ANO3: variants seen among roughly 807,000 people sequenced by gnomAD.
ANO3 encodes the protein anoctamin-3.
Under a neutral mutation model 144.8 loss-of-function variants are expected in ANO3, and 99 were observed. The observed-to-expected ratio is 0.68, with a 90% CI of 0.58 to 0.81. The LOEUF (loss-of-function observed/expected upper bound fraction) is 0.81, where lower values mean the gene tolerates loss of function less well. Ranked by LOEUF, ANO3 falls within the 30% of genes least tolerant of loss-of-function variation. The pLI is 0.00. For synonymous variants in ANO3, 414 were observed against 392.6 expected, an observed-to-expected ratio of 1.05 and a Z score of -0.64; for missense variants, 905 against 1,202.2, an observed-to-expected ratio of 0.75 and a Z score of 3.66.
intron 23 of ANO3, 144 bp downstream of exon 23, chr11:26,643,478 G>C (rs561860848): frequency 9.8e-7 from 1 of 1,022,000 alleles, no homozygotes. Context: ...TAAGCTGGCC[G>C]GGCGTGGTGG....
At position 26,225,112 on chromosome 11, in the gene ANO3, T is replaced by C. The variant is rs559035758; in HGVS notation, c.154+35782T>C. The stretch of plus-strand genomic sequence containing the variant: ...TCTTAAATCTGCATAATCTTTTGTG[T>C]ATTGTAGGCACTGAACTAAAATAAT... On this transcript the variant is annotated intron_variant, in intron 1 of 27. Coordinates refer to the ANO3 transcript ENST00000672621. Among the ~76,000 whole-genome samples, 42 of 152,270 alleles carry C rather than the reference T, an allele frequency of 2.8e-4. 1 individual carries two copies. The highest frequency in any genetic ancestry group is 6.2e-4 in the South Asian group (3 of 4,826).
At chr11:26,316,762 G>A (rs570730207) in intron 1 of ANO3, among the ~76,000 whole-genome samples, 16 of 152,228 alleles carry the variant, frequency 1.1e-4, no homozygotes, top group African/African-American at 3.9e-4. Flanking sequence ...CCAGAGCTAT[G>A]AACATCTGCT....
At chr11:26,462,887 T>C (rs534471293) in intron 3 of ANO3, 143 bp from the exon 4 acceptor site, 353 of 419,000 alleles carry the variant, frequency 8.4e-4, no homozygotes, top group Non-Finnish European at 1.3e-3. Flanking sequence ...TATTTGAAAA[T>C]TATGCCACAC....
chr11:26,289,196 A>C (rs1334039098), intron 1 of ANO3, among the ~76,000 whole-genome samples: 1 of 152,098 alleles, frequency 6.6e-6, no homozygotes, highest in Non-Finnish European at 1.5e-5. Flanking sequence ...CAGGCAAAAA[A>C]AAAGTAGCAG....
At chr11:26,563,391 CTCTCTGTGTG>C in intron 14 of ANO3, 5 of 840,864 alleles carry the variant, frequency 5.9e-6, no homozygotes, top group Non-Finnish European at 6.6e-6. Flanking sequence ...GTGTGTTTCT[CTCTCTGTGTG>C]TGTGTGTGTG....
At chr11:26,454,831 A>G (rs1017885670) in intron 3 of ANO3, among the ~76,000 whole-genome samples, 7 of 151,918 alleles carry the variant, frequency 4.6e-5, no homozygotes, top group Non-Finnish European at 5.9e-5. Context: ...TCAATAAAGT[A>G]CTGGCAAACT....
intron 1 of ANO3, among the ~76,000 whole-genome samples, chr11:26,424,709 C>T (rs1364062762): frequency 2.0e-5 from 3 of 151,944 alleles, no homozygotes; most frequent in Non-Finnish European, 4.4e-5. Context: ...AAGTATTAGA[C>T]CACCTTACAA....
chr11:26,340,971 G>A (rs190020393), intron 1 of ANO3, among the ~76,000 whole-genome samples: 17 of 152,160 alleles, frequency 1.1e-4, no homozygotes, highest in Non-Finnish European at 2.4e-4. Flanking sequence ...GTTCAATCGT[G>A]TCCCTTGTGA....
At chr11:26,571,694 T>G (rs1008381337) in intron 14 of ANO3, among the ~76,000 whole-genome samples, 51 of 152,184 alleles carry the variant, frequency 3.4e-4, no homozygotes, top group African/African-American at 1.2e-3. Flanking sequence ...ACTTCCACTT[T>G]AAACATTTTG....
At chr11:26,463,643 A>G (rs1036707869) in intron 4 of ANO3, among the ~76,000 whole-genome samples, 2 of 151,904 alleles carry the variant, frequency 1.3e-5, no homozygotes, top group African/African-American at 4.8e-5. Flanking sequence ...ATAGCAAAAG[A>G]TTGAGAATAC....
intron 17 of ANO3, among the ~76,000 whole-genome samples, chr11:26,611,639 A>T (rs1398827703): frequency 2.6e-5 from 4 of 152,098 alleles, no homozygotes; most frequent in Non-Finnish European, 4.4e-5. Flanking sequence ...TCTATGGTGT[A>T]GTTTAAGTCT....
At chr11:26,547,865 G>C (rs1849827999) in intron 12 of ANO3, among the ~76,000 whole-genome samples, 1 of 151,780 alleles carries the variant, frequency 6.6e-6, no homozygotes, top group Admixed American at 6.6e-5. Flanking sequence ...GCATTTGTTA[G>C]TCTAGAATGC....
intron 1 of ANO3, among the ~76,000 whole-genome samples, chr11:26,235,390 T>C (rs1852497296): frequency 6.6e-6 from 1 of 152,218 alleles, no homozygotes; most frequent in Admixed American, 6.5e-5. Flanking sequence ...TGTGTGTGTG[T>C]TTCTCTCTTT....
At chr11:26,331,402 C>A (rs536887604), upstream of ANO3, 2 of 152,308 alleles carry the variant, frequency 1.3e-5, no homozygotes, top group South Asian at 4.1e-4. Context: ...TACTTCACTT[C>A]TTTGGGTATC....
intron 1 of ANO3, among the ~76,000 whole-genome samples, chr11:26,355,158 G>A (rs1183645452): frequency 2.6e-5 from 4 of 151,916 alleles, no homozygotes; most frequent in African/African-American, 9.7e-5. Flanking sequence ...CTCTTTTCTT[G>A]ATCCCGTGTC....
chr11:26,339,247 C>G (rs999368552), intron 1 of ANO3, among the ~76,000 whole-genome samples: 1 of 151,852 alleles, frequency 6.6e-6, no homozygotes, highest in Admixed American at 6.6e-5. Flanking sequence ...CTCTGCCTCC[C>G]GAGTTCAAGC....
chr11:26,316,617 A>T (rs1854631180), intron 1 of ANO3, among the ~76,000 whole-genome samples: 1 of 152,156 alleles, frequency 6.6e-6, no homozygotes, highest in Admixed American at 6.6e-5. Context: ...CTCAGAAGGG[A>T]GTATGTCTTA....
chr11:26,408,279 A>G (rs1857341244), intron 1 of ANO3, among the ~76,000 whole-genome samples: 1 of 151,746 alleles, frequency 6.6e-6, no homozygotes, highest in Non-Finnish European at 1.5e-5. Context: ...AATTTACAAG[A>G]AAAAAACAAA....
intron 1 of ANO3, among the ~76,000 whole-genome samples, chr11:26,372,657 G>A (rs763985990): frequency 1.3e-5 from 2 of 152,132 alleles, no homozygotes; most frequent in Non-Finnish European, 2.9e-5. Context: ...AAGTAGAGCA[G>A]TACACCAAAC....
Sources: allele counts gnomAD v4.1 joint callset (sites outside exome capture counted in the v4.1 genomes callset), GRCh38; gene constraint gnomAD v4.1.1; transcripts MANE v1.5; gene names NCBI Gene and HGNC (gene_info 2026-07-23, HGNC 2026-07-21).